Variants in SLC44A1 observed in about 807,000 individuals in gnomAD.
The protein encoded by SLC44A1 is choline transporter-like protein 1.
In SLC44A1, 26 loss-of-function variants were observed where a neutral mutation model predicts 79.3. That is an observed-to-expected ratio of 0.33 (90% CI 0.24 to 0.46). The LOEUF is 0.46. Among genes scored for constraint, SLC44A1 ranks in the 20% least tolerant of loss-of-function variants. SLC44A1 has a pLI of 1.00. For synonymous variants in SLC44A1, 263 were observed against 286.2 expected (o/e 0.92, Z 0.82); for missense variants, 688 against 798.1 (o/e 0.86, Z 1.66).
intron 13 of SLC44A1, among the ~76,000 whole-genome samples, chr9:105,382,293 T>C (rs975497768): frequency 5.9e-5 from 9 of 152,204 alleles, no homozygotes; most frequent in African/African-American, 2.2e-4. Flanking sequence ...TGGAATAAAA[T>C]GTATTTTAAA....
rs990956462 is a variant in SLC44A1, at chr9:105,392,312, A to G, written c.*3256A>G. ...GTATGTTGGTACCCAAACTTTTTCTATAATGGTTAAGGAGGAGGCACTTAC... is the reference window on the plus strand; with the variant it reads ...GTATGTTGGTACCCAAACTTTTTCTGTAATGGTTAAGGAGGAGGCACTTAC... On this transcript the variant is annotated 3_prime_UTR_variant, in exon 16 of 16. Transcript: ENST00000374720. 1.2e-5 allele frequency: 12 copies of G among 983,854 alleles called. No individual in the cohort carries two copies. The Admixed American group carries it at 3.7e-4, about 30-fold the overall frequency. The allele number at this position is 983,854 out of a possible 1,614,324, so 60.9% of individuals were successfully genotyped here.
chr9:105,249,413 C>A (rs933955629), intron 1 of SLC44A1, among the ~76,000 whole-genome samples: 2 of 152,070 alleles, frequency 1.3e-5, no homozygotes, highest in African/African-American at 2.4e-5. Flanking sequence ...TGGCATGAAG[C>A]CTTTTTTTTC....
chr9:105,423,589 A>C (rs1376831987), intron 15 of SLC44A1, among the ~76,000 whole-genome samples: 1 of 152,228 alleles, frequency 6.6e-6, no homozygotes, highest in Non-Finnish European at 1.5e-5. Context: ...TTGTTATAAA[A>C]TATTGCAGCC....
intron 1 of SLC44A1, among the ~76,000 whole-genome samples, chr9:105,267,976 G>C (rs943042614): frequency 6.6e-6 from 1 of 152,112 alleles, no homozygotes; most frequent in African/African-American, 2.4e-5. Context: ...CTCCTGGAAA[G>C]GATATTAATC....
chr9:105,294,554 G>T (rs1830675031), intron 1 of SLC44A1: 1 of 151,630 alleles, frequency 6.6e-6, no homozygotes, highest in Non-Finnish European at 1.5e-5. Flanking sequence ...TTGTTTTTCT[G>T]TATGTGATGT....
At chr9:105,317,275 A>G (rs1208704231) in intron 3 of SLC44A1, among the ~76,000 whole-genome samples, 5 of 152,112 alleles carry the variant, frequency 3.3e-5, no homozygotes, top group Non-Finnish European at 5.9e-5. Context: ...TGCAGGTTGT[A>G]CATATGAGTT....
intron 6 of SLC44A1, among the ~76,000 whole-genome samples, chr9:105,356,876 G>C (rs904967821): frequency 2.0e-5 from 3 of 151,866 alleles, no homozygotes; most frequent in Non-Finnish European, 4.4e-5. Context: ...CCACCTATTA[G>C]CCACTGAGTT....
chr9:105,313,314 G>A (rs901999621), intron 3 of SLC44A1, among the ~76,000 whole-genome samples: 2 of 152,088 alleles, frequency 1.3e-5, no homozygotes, highest in East Asian at 1.9e-4. Flanking sequence ...GTATTAATTG[G>A]CAGTTGCTAG....
intron 15 of SLC44A1, among the ~76,000 whole-genome samples, chr9:105,408,184 T>G (rs1293484108): frequency 6.6e-6 from 1 of 151,940 alleles, no homozygotes; most frequent in Non-Finnish European, 1.5e-5. Context: ...AACAAAAAAC[T>G]GAAAGAAATC....
chr9:105,309,773 T>C lies in SLC44A1; in HGVS notation c.176T>C (p.Val59Ala). 1.2e-6 allele frequency: 2 copies of C among 1,613,966 alleles called. No homozygotes were observed. Among genetic ancestry groups the C allele is most frequent in the South Asian group, 1.1e-5 (1 of 91,070 alleles). The change falls in exon 3 of 16, where the codon GTG becomes GCG. Residue 59 changes from valine to alanine, a missense_variant. Coordinates refer to ENST00000374720, the MANE Select transcript of SLC44A1 (RefSeq NM_080546.5). ...GCAACAGGTGCAGCAGCAAGACTAGTGTCAGGATACGACAGCTATGGAAAT... is the reference window on the plus strand; with the variant it reads ...GCAACAGGTGCAGCAGCAAGACTAGCGTCAGGATACGACAGCTATGGAAAT... Reference protein sequence around the residue: ...SIATGAAARLVSGYDSYGNIC... With the variant: ...SIATGAAARLASGYDSYGNIC...
At chr9:105,429,743 A>G (rs1829368133) in intron 15 of SLC44A1, among the ~76,000 whole-genome samples, 1 of 152,206 alleles carries the variant, frequency 6.6e-6, no homozygotes, top group Non-Finnish European at 1.5e-5. Context: ...TGCAAATAGT[A>G]AAAACATTAA....
chr9:105,428,720 A>G (rs548479983), intron 15 of SLC44A1, among the ~76,000 whole-genome samples: 15 of 152,148 alleles, frequency 9.9e-5, no homozygotes, highest in Middle Eastern at 3.4e-3. Context: ...TTTTTTTGAG[A>G]TGGAGTCTCG....
At chr9:105,433,830 G>C (rs1295970270) in intron 15 of SLC44A1, among the ~76,000 whole-genome samples, 7 of 152,154 alleles carry the variant, frequency 4.6e-5, no homozygotes, top group Admixed American at 3.9e-4. Context: ...TCAATGACAA[G>C]ATCTACCCAC....
chr9:105,245,018 C>A, intron 1 of SLC44A1, 114 bp downstream of exon 1: 1 of 372,592 alleles, frequency 2.7e-6, no homozygotes, highest in Non-Finnish European at 4.2e-6. Context: ...CCTGAGCGCA[C>A]CGTGCAGTCC....
intron 4 of SLC44A1, among the ~76,000 whole-genome samples, chr9:105,344,506 G>A (rs1357145112): frequency 6.6e-6 from 1 of 152,156 alleles, no homozygotes; most frequent in Admixed American, 6.5e-5. Flanking sequence ...GAATTGTCCA[G>A]CACAAAATGT....
At position 105,395,311 on chromosome 9, in the gene SLC44A1, C is replaced by A; in HGVS notation, c.*6255C>A. On this transcript the variant is annotated 3_prime_UTR_variant, in exon 16 of 16. Transcript: ENST00000374720. ...TTAGCTCACTGCAACCTCCACCTCC[C>A]AGGTTCAAGTGATTCTCCTGCATCA... 2.0e-6 allele frequency: 1 copy of A among 498,392 alleles called. No homozygotes were observed. The highest frequency in any genetic ancestry group is 2.6e-6 in the Non-Finnish European group (1 of 385,436). 30.9% of individuals were successfully genotyped at this position (498,392 alleles called of 1,614,324 possible).
intron 5 of SLC44A1, among the ~76,000 whole-genome samples, chr9:105,351,666 G>GAAAGAAAGAAAGAAAGAA (rs1316476533): frequency 1.3e-5 from 2 of 150,444 alleles, no homozygotes. Flanking sequence ...AAGAAAGAAA[G>GAAAGAAAGAAAGAAAGAA]AAAGAAAGAA....
At chr9:105,305,233 G>C (rs551456328) in intron 2 of SLC44A1, among the ~76,000 whole-genome samples, 3 of 151,304 alleles carry the variant, frequency 2.0e-5, no homozygotes, top group East Asian at 3.9e-4. Flanking sequence ...GCCTCCCAAA[G>C]TGCTGGAATT....
Position 105,390,932 on chromosome 9 carries a change from A to G in SLC44A1, c.*1876A>G, listed in dbSNP as rs1430502420. 13 of 981,590 alleles carry G rather than the reference A, an allele frequency of 1.3e-5. No homozygotes were observed. Among genetic ancestry groups the G allele is most frequent in the Non-Finnish European group, 1.6e-5 (13 of 826,140 alleles). The allele number at this position is 981,590 out of a possible 1,614,324, so 60.8% of individuals were successfully genotyped here. On this transcript the variant is annotated 3_prime_UTR_variant, in exon 16 of 16. Transcript: ENST00000374720. ...ACAGTATCGCTGTTCTCTTTTATTC[A>G]TTTGAAATGAATATAATTATATAAC...
Sources: gnomAD v4.1 joint callset for allele counts (sites outside exome capture counted in the v4.1 genomes callset) on GRCh38, gnomAD v4.1.1 for gene constraint, MANE v1.5 for transcripts, NCBI Gene and HGNC (gene_info 2026-07-23, HGNC 2026-07-21) for gene names.